The following SPTA1 variants were observed in gnomAD, a reference collection of about 807,000 sequenced individuals.
SPTA1 encodes the protein spectrin alpha, erythrocytic 1, also known as spectrin alpha chain, erythrocytic 1.
A neutral mutation model predicts 324.7 loss-of-function variants in SPTA1; 177 were observed. The ratio of observed to expected loss-of-function variants is 0.55; its 90% CI spans 0.48 to 0.62. SPTA1 has a LOEUF of 0.62. Among genes scored for constraint, SPTA1 ranks in the 20% least tolerant of loss-of-function variants. The pLI, the probability that SPTA1 is intolerant of heterozygous loss-of-function variation, is 0.00. For synonymous variants in SPTA1, 1,195 were observed against 1,041.3 expected (o/e 1.15, Z -2.84); for missense variants, 3,162 against 2,883.6 (o/e 1.10, Z -2.21).
At chr1:158,616,494 A>G (rs1383480676) in intron 47 of SPTA1, among the ~76,000 whole-genome samples, 1 of 152,202 alleles carries the variant, frequency 6.6e-6, no homozygotes, top group Non-Finnish European at 1.5e-5. Flanking sequence ...TACGAGTGAG[A>G]ACATGCAATA....
chr1:158,622,965 C>T lies in SPTA1; in HGVS notation c.6120+18G>A. On this transcript the variant is annotated intron_variant, in intron 43 of 51. Transcript: ENST00000643759. ...ACAGGTAACAGAGAACTGATCATGCCTCATAATTTTTTTAAACCTTCTGTA... is the reference window on the plus strand; with the variant it reads ...ACAGGTAACAGAGAACTGATCATGCTTCATAATTTTTTTAAACCTTCTGTA... 1.2e-6 allele frequency: 2 copies of T among 1,606,142 alleles called. No individual in the cohort carries two copies. The highest frequency in any genetic ancestry group is 1.7e-6 in the Non-Finnish European group (2 of 1,172,858).
Position 158,635,990 on chromosome 1 carries a change from C to T in SPTA1, c.5355G>A (p.Val1785=). ...MAEKLKDKAA[V]GQEEIQLRLA... is the part of the protein sequence containing the mutation. ...GCCGCAACTGGATCTCCTCTTGCCC[C>T]ACAGCAGCCTTGTCTTTCAGCTTCT... Residue 1785 remains valine, a synonymous_variant, in exon 38 of 52, where the codon GTG becomes GTA. Coordinates refer to ENST00000643759, the MANE Select transcript of SPTA1 (RefSeq NM_003126.4). 1 of 1,614,162 alleles carries T rather than the reference C, an allele frequency of 6.2e-7. No homozygotes were observed.
chr1:158,656,623 C>T lies in SPTA1; in HGVS notation c.2839G>A (p.Asp947Asn). Residue 947 changes from aspartate to asparagine, a missense_variant, in exon 20 of 52, where the codon GAT becomes AAT. Physicochemically the swap from Asp to Asn is conservative, Grantham distance 23 (BLOSUM62 1). Transcript: ENST00000643759. The stretch of plus-strand genomic sequence containing the variant: ...ATACTGTCTCCAAATGAATTGAGAT[C>T]TAATAGAAAGGCCTCATGCTTCTTT... ...LLKKHEAFLL[D>N]LNSFGDSMKA... 2 of 1,613,828 alleles carry T rather than the reference C, an allele frequency of 1.2e-6. No homozygotes were observed. Among genetic ancestry groups the T allele is most frequent in the Non-Finnish European group, 1.7e-6 (2 of 1,179,906 alleles).
rs542999672 is a variant in SPTA1 at position 158,623,219 on chromosome 1, G to C, written c.5911-27C>G. The C allele has an allele frequency of 4.4e-6, 7 of 1,603,570 alleles. No individual in the cohort carries two copies. The East Asian group carries it at 1.3e-4, about 31-fold the overall frequency. ...TGAGAAAGATCAGGAGAGAGGCCGTGAACAAGAAAATGGTGCAAGGGTCAT... is the reference window on the plus strand; with the variant it reads ...TGAGAAAGATCAGGAGAGAGGCCGTCAACAAGAAAATGGTGCAAGGGTCAT... On this transcript the variant is annotated intron_variant, in intron 42 of 51. Coordinates refer to ENST00000643759, the MANE Select transcript of SPTA1 (RefSeq NM_003126.4).
intron 28 of SPTA1, 52 bp downstream of exon 28, chr1:158,645,443 T>G: frequency 5.6e-6 from 9 of 1,613,850 alleles, no homozygotes; most frequent in Non-Finnish European, 6.8e-6. Flanking sequence ...ATTTTAAAAT[T>G]AGTAGAGGTT....
chr1:158,676,256 A>G lies in SPTA1; in HGVS notation c.997T>C (p.Ser333Pro). Residue 333 changes from serine (S) to proline (P), a missense_variant, in exon 8 of 52, where the codon TCC (serine) becomes CCC (proline). Physicochemically the swap from Ser to Pro is moderately conservative, Grantham distance 74 (BLOSUM62 -1). Transcript: ENST00000643759. ...ATCTGAGGTGCATCTGAAGGATGGGAAAGTGTCAGCTTCTCTGCTTTAGCA... is the reference window on the plus strand; with the variant it reads ...ATCTGAGGTGCATCTGAAGGATGGGGAAGTGTCAGCTTCTCTGCTTTAGCA... ...LCAKAEKLTL[S>P]HPSDAPQIQE... is the part of the protein sequence containing the mutation. 3 of 1,613,742 alleles carry G rather than the reference A, an allele frequency of 1.9e-6. No homozygotes were observed. The highest frequency in any genetic ancestry group is 2.5e-6 in the Non-Finnish European group (3 of 1,179,760).
rs994242100 is a variant in SPTA1, at chr1:158,675,926, A to G, written c.1112+215T>C. On this transcript the variant is annotated intron_variant, in intron 8 of 51. Coordinates refer to ENST00000643759, the MANE Select transcript of SPTA1 (RefSeq NM_003126.4). Reference sequence around the variant, plus strand: ...ATTTAACATTTTCAAACTGTGGTTGACTGCTGGTAACTGAAACCACAGATA... The same window carrying G: ...ATTTAACATTTTCAAACTGTGGTTGGCTGCTGGTAACTGAAACCACAGATA... 2.6e-5 allele frequency among the ~76,000 whole-genome samples: 4 copies of G among 152,186 alleles called. No individual in the cohort carries two copies. The East Asian group carries it at 7.7e-4, about 29-fold the overall frequency.
At chr1:158,643,621 T>G (rs6665513) in intron 30 of SPTA1, among the ~76,000 whole-genome samples, 196 bp from the exon 31 acceptor site, 137 of 152,332 alleles carry the variant, frequency 9.0e-4, no homozygotes, top group African/African-American at 3.2e-3. Context: ...GGGCTACTTG[T>G]GTGGTACAGA....
Position 158,678,460 on chromosome 1 carries a change from A to G in SPTA1, c.753T>C (p.Gly251=), listed in dbSNP as rs774203188. Residue 251 remains glycine (G), a synonymous_variant, in exon 6 of 52, where the codon GGT becomes GGC. Coordinates refer to ENST00000643759, the MANE Select transcript of SPTA1 (RefSeq NM_003126.4). ...EVNAAWERLR[G]LALQRQKALS... ...GAGCTTTCTGTCTCTGGAGAGCCAA[A>G]CCACGAAGGCGCTCCCAGGCAGCAT... 4.3e-6 allele frequency: 7 copies of G among 1,613,796 alleles called. No individual in the cohort carries two copies. The highest frequency in any genetic ancestry group is 5.9e-6 in the Non-Finnish European group (7 of 1,179,790).
Position 158,638,186 on chromosome 1 carries a change from A to G in SPTA1, c.5036T>C (p.Phe1679Ser). ...TTTCTTCACAATCTGATCAACGTTG[A>G]AAGTCCCGCTGGAGAGCAAATCTTC... ...LAEDLLSSGT[F>S]NVDQIVKKKD... Residue 1679 changes from phenylalanine to serine, a missense_variant, in exon 36 of 52, where the codon TTC becomes TCC. Phe to Ser is a radical substitution (Grantham distance 155). Coordinates refer to ENST00000643759, the MANE Select transcript of SPTA1 (RefSeq NM_003126.4). The G allele has an allele frequency of 4.3e-6, 7 of 1,613,866 alleles. No individual in the cohort carries two copies. The highest frequency in any genetic ancestry group is 1.3e-5 in the African/African-American group (1 of 75,052).
rs1164730625 is a variant in SPTA1 at position 158,667,910 on chromosome 1, C to T, written c.1986G>A (p.Leu662=). The T allele has an allele frequency of 6.2e-7, 1 of 1,613,922 alleles. No homozygotes were observed. The highest frequency in any genetic ancestry group is 1.3e-5 in the African/African-American group (1 of 74,874). ...CCTCCCAGAGGCTGGCAACTTCACTCAGACGAGTGGTCACATTGTCAGAGG... is the reference window on the plus strand; with the variant it reads ...CCTCCCAGAGGCTGGCAACTTCACTTAGACGAGTGGTCACATTGTCAGAGG... ...HYASDNVTTR[L]SEVASLWEEL... is the part of the protein sequence containing the mutation. The change falls in exon 15 of 52, where the codon CTG becomes CTA. Residue 662 remains leucine, a synonymous_variant. Coordinates refer to ENST00000643759, the MANE Select transcript of SPTA1 (RefSeq NM_003126.4).
At position 158,645,208 on chromosome 1, in the gene SPTA1, C is replaced by T; in HGVS notation, c.4174G>A (p.Asp1392Asn). The T allele has an allele frequency of 6.2e-7, 1 of 1,613,856 alleles. No individual in the cohort carries two copies. The highest frequency in any genetic ancestry group is 1.1e-5 in the South Asian group (1 of 91,072). The change falls in exon 29 of 52, where the codon GAC (aspartate) becomes AAC (asparagine). Residue 1392 changes from aspartate to asparagine, a missense_variant. Asp to Asn is a conservative substitution (Grantham distance 23, BLOSUM62 1). Transcript: ENST00000643759. ...TGTACCTGCAACTCCAGGCACTGGT[C>T]TAGGATCTTCTTGCGTTTTTCCCAA... ...KAWEKRKKIL[D>N]QCLELQMFQG...
rs1256949178 is a variant in SPTA1, at chr1:158,645,246, T to A, written c.4136A>T (p.Asp1379Val). 1 of 1,614,056 alleles carries A rather than the reference T, an allele frequency of 6.2e-7. No individual in the cohort carries two copies. The highest frequency in any genetic ancestry group is 8.5e-7 in the Non-Finnish European group (1 of 1,179,948). ...GCGTTTTTCCCAAGCCTTCTCCAAATCATCTCTCTCTAGCTTGACAGCTTG... is the reference window on the plus strand; with the variant it reads ...GCGTTTTTCCCAAGCCTTCTCCAAAACATCTCTCTCTAGCTTGACAGCTTG... ...KLQAVKLERDDLEKAWEKRKK... is the reference protein window; with the variant it reads ...KLQAVKLERDVLEKAWEKRKK... Residue 1379 changes from aspartate to valine, a missense_variant, in exon 29 of 52, where the codon GAT (aspartate) becomes GTT (valine). Transcript: ENST00000643759.
At chr1:158,644,690 AG>A (rs1297951753) in intron 29 of SPTA1, among the ~76,000 whole-genome samples, 2 of 152,190 alleles carry the variant, frequency 1.3e-5, no homozygotes, top group Non-Finnish European at 2.9e-5. Context: ...GTTATCCTTC[AG>A]GGTAGCCTGT....
chr1:158,643,016 C>A (rs373656397), intron 31 of SPTA1, 40 bp from the exon 32 acceptor site: 4 of 1,611,798 alleles, frequency 2.5e-6, no homozygotes, highest in Non-Finnish European at 3.4e-6. Context: ...CCTCCTCCAC[C>A]CTTCCCATGC....
rs1000809260 is a variant in SPTA1 at position 158,640,023 on chromosome 1, T to C, written c.4738-16A>G. The C allele has an allele frequency of 6.8e-6, 11 of 1,613,282 alleles. No homozygotes were observed. The highest frequency in any genetic ancestry group is 7.6e-6 in the Non-Finnish European group (9 of 1,179,714). On this transcript the variant is annotated splice_polypyrimidine_tract_variant and intron_variant, in intron 33 of 51. Coordinates refer to ENST00000643759, the MANE Select transcript of SPTA1 (RefSeq NM_003126.4). ...CCAGTTGCTCCTAACCCAAGGAGAGTGAGGAGTCATTACAATCTTTAGGAT... is the reference window on the plus strand; with the variant it reads ...CCAGTTGCTCCTAACCCAAGGAGAGCGAGGAGTCATTACAATCTTTAGGAT...
Position 158,654,734 on chromosome 1 carries a change from T to C in SPTA1, c.2913A>G (p.Ala971=). The change falls in exon 21 of 52, where the codon GCA becomes GCG. Residue 971 remains alanine, a synonymous_variant. Coordinates refer to ENST00000643759, the MANE Select transcript of SPTA1 (RefSeq NM_003126.4). ...GTTCTCCAGCAACTCCCTCCACTGG[T>C]GCAGCCTGTTGTTGCTGAATAAAAA... ...QANACQQQQA[A]PVEGVAGEQR... 10 of 1,613,786 alleles carry C rather than the reference T, an allele frequency of 6.2e-6. No homozygotes were observed. The highest frequency in any genetic ancestry group is 8.5e-6 in the Non-Finnish European group (10 of 1,179,956).
chr1:158,667,798 T>C, intron 15 of SPTA1, 60 bp downstream of exon 15: 1 of 1,556,738 alleles, frequency 6.4e-7, no homozygotes, highest in Admixed American at 1.8e-5. Context: ...GTGGTAAAGA[T>C]AAAGGTAGTA....
intron 10 of SPTA1, 80 bp downstream of exon 10, chr1:158,674,249 G>A: frequency 1.5e-6 from 2 of 1,364,846 alleles, no homozygotes; most frequent in East Asian, 2.3e-5. Context: ...TTCCCATTTA[G>A]AGATTATCAT....
Sources: allele counts gnomAD v4.1 joint callset (sites outside exome capture counted in the v4.1 genomes callset), GRCh38; gene constraint gnomAD v4.1.1; transcripts MANE v1.5; gene names NCBI Gene and HGNC (gene_info 2026-07-23, HGNC 2026-07-21).